Variants in GOT1 observed in about 807,000 individuals in gnomAD.
GOT1 encodes the protein aspartate aminotransferase, cytoplasmic.
GOT1 carries 25 observed loss-of-function variants against 48.2 expected under a neutral mutation model. The observed-to-expected ratio is 0.52, with a 90% CI of 0.38 to 0.72. The LOEUF (loss-of-function observed/expected upper bound fraction) is 0.72. Ranked by LOEUF, GOT1 falls within the 30% of genes least tolerant of loss-of-function variation. The pLI is 0.00. For synonymous variants in GOT1, 188 were observed against 193.8 expected (o/e 0.97, Z 0.25); for missense variants, 380 against 520.1 (o/e 0.73, Z 2.62).
intron 2 of GOT1, among the ~76,000 whole-genome samples, chr10:99,408,670 G>T (rs186834422): frequency 6.6e-6 from 1 of 152,282 alleles, no homozygotes; most frequent in Non-Finnish European, 1.5e-5. Flanking sequence ...AGTGAGCCAA[G>T]ATCGCACCAC....
intron 7 of GOT1, among the ~76,000 whole-genome samples, 156 bp from the exon 8 acceptor site, chr10:99,402,878 A>T (rs554727953): frequency 6.1e-4 from 93 of 152,304 alleles, no homozygotes; most frequent in African/African-American, 2.2e-3. Context: ...GGATTAACAT[A>T]CCAGAGAGAG....
intron 5 of GOT1, among the ~76,000 whole-genome samples, chr10:99,404,567 A>G (rs2032728867): frequency 6.6e-6 from 1 of 151,824 alleles, no homozygotes; most frequent in South Asian, 2.1e-4. Flanking sequence ...ACTGCTACCT[A>G]CTTCATCCAG....
intron 1 of GOT1, among the ~76,000 whole-genome samples, chr10:99,426,059 A>G (rs2033034335): frequency 6.6e-6 from 1 of 152,174 alleles, no homozygotes. Flanking sequence ...GAAAAGTCAA[A>G]CCATTTGCCC....
At chr10:99,405,886 TCTGACA>T in intron 4 of GOT1, 26 bp from the exon 5 acceptor site, 1 of 1,257,604 alleles carries the variant, frequency 8.0e-7, no homozygotes, top group Non-Finnish European at 1.2e-6. Flanking sequence ...CTATGTCAGC[TCTGACA>T]CTGATGGGAA....
intron 1 of GOT1, among the ~76,000 whole-genome samples, chr10:99,428,684 T>G (rs1306083667): frequency 6.6e-6 from 1 of 152,204 alleles, no homozygotes; most frequent in Non-Finnish European, 1.5e-5. Context: ...AAAGATGTAT[T>G]TAGATTGACA....
At chr10:99,426,018 G>A (rs1208637403) in intron 1 of GOT1, among the ~76,000 whole-genome samples, 2 of 152,194 alleles carry the variant, frequency 1.3e-5, no homozygotes, top group Non-Finnish European at 1.5e-5. Context: ...ATATTGTGAT[G>A]TCTATTTTAA....
intron 2 of GOT1, among the ~76,000 whole-genome samples, chr10:99,410,125 C>T (rs2032811448): frequency 6.6e-6 from 1 of 152,210 alleles, no homozygotes; most frequent in Non-Finnish European, 1.5e-5. Flanking sequence ...ACTGAGCACT[C>T]ATCCCTTGCT....
intron 8 of GOT1, among the ~76,000 whole-genome samples, chr10:99,398,552 C>G (rs184424801): frequency 1.3e-5 from 2 of 152,110 alleles, no homozygotes; most frequent in Admixed American, 1.3e-4. Context: ...TGCCTATGGT[C>G]CCAGCTACTC....
intron 8 of GOT1, 125 bp downstream of exon 8, chr10:99,402,454 GT>G (rs1454716078): frequency 1.0e-6 from 1 of 975,304 alleles, no homozygotes; most frequent in African/African-American, 1.6e-5. Context: ...ACTTGTCCTG[GT>G]CCAAAGCAAT....
intron 2 of GOT1, among the ~76,000 whole-genome samples, chr10:99,417,143 A>G (rs1478571666): frequency 2.0e-5 from 3 of 152,214 alleles, no homozygotes; most frequent in Admixed American, 6.5e-5. Flanking sequence ...TGAACAGGCA[A>G]CCTACAGAAT....
At chr10:99,403,698 C>T in intron 6 of GOT1, 26 bp downstream of exon 6, 1 of 1,614,042 alleles carries the variant, frequency 6.2e-7, no homozygotes, top group Non-Finnish European at 8.5e-7. Flanking sequence ...GGAGGTGGGG[C>T]TGTAACTCCT....
chr10:99,397,652 G>A lies in GOT1; in HGVS notation c.1137C>T (p.His379=), dbSNP rs2032618569. The A allele has an allele frequency of 6.2e-7, 1 of 1,614,032 alleles. No homozygotes were observed. Among genetic ancestry groups the A allele is most frequent in the Non-Finnish European group, 8.5e-7 (1 of 1,179,902 alleles). The part of the protein sequence containing the change: ...KQVEYLVNEK[H]IYLLPSGRIN... Reference sequence around the variant, plus strand: ...TTCGACCACTTGGCAGCAGGTAGATGTGCTTTTCATTGACCAGATACTCAA... The same window carrying A: ...TTCGACCACTTGGCAGCAGGTAGATATGCTTTTCATTGACCAGATACTCAA... The change falls in exon 9 of 9, where the codon CAC becomes CAT. Residue 379 remains histidine, a synonymous_variant. Coordinates refer to ENST00000370508, the MANE Select transcript of GOT1 (RefSeq NM_002079.3). The surrounding 1 kb of genome is among the most constrained non-coding windows in gnomAD (Gnocchi z 5.4).
At position 99,428,353 on chromosome 10, in the gene GOT1, GT is replaced by G. The variant is rs551770823; in HGVS notation, c.118+2094del. 5.7e-4 allele frequency among the ~76,000 whole-genome samples: 84 copies of G among 146,770 alleles called. 1 individual carries two copies. The highest frequency in any genetic ancestry group is 4.2e-3 in the East Asian group (21 of 5,034). On this transcript the variant is annotated intron_variant, in intron 1 of 8. Transcript: ENST00000370508. ...TAAAATAAATCTGACGTGGTTTTTT[GT>G]TTTTTTTTTTCTTTCTTTCTTGAGA...
rs1241259871 is a variant in GOT1, at chr10:99,406,970, T to C, written c.301-121A>G. ...TCTGTGCTAAGGCTTTTAATTGTAT[T>C]ATCTCATCAAAACCTTACAACTACT... On this transcript the variant is annotated intron_variant, in intron 2 of 8. Coordinates refer to ENST00000370508, the MANE Select transcript of GOT1 (RefSeq NM_002079.3). 3.4e-6 allele frequency: 3 copies of C among 884,948 alleles called. No homozygotes were observed. In the African/African-American group the frequency reaches 5.0e-5, roughly 15 times the overall value. The allele number at this position is 884,948 out of a possible 1,614,324, so 54.8% of individuals were successfully genotyped here.
intron 5 of GOT1, 87 bp downstream of exon 5, chr10:99,405,669 C>T: frequency 5.6e-6 from 4 of 712,642 alleles, no homozygotes; most frequent in Non-Finnish European, 1.0e-5. Context: ...CCTAATTCCT[C>T]AGCAAACAGC....
At position 99,397,782 on chromosome 10, in the gene GOT1, T is replaced by C; in HGVS notation, c.1103-96A>G. Reference sequence around the variant, plus strand: ...TATGACAATTACAGCTTTACTTCTTTCCCCTTAACAGAGAGAAGCAAAACA... The same window carrying C: ...TATGACAATTACAGCTTTACTTCTTCCCCCTTAACAGAGAGAAGCAAAACA... On this transcript the variant is annotated intron_variant, in intron 8 of 8. Transcript: ENST00000370508. The surrounding 1 kb of genome is among the most constrained non-coding windows in gnomAD (Gnocchi z 5.4). 1 of 1,207,898 alleles carries C rather than the reference T, an allele frequency of 8.3e-7. No individual in the cohort carries two copies. Among genetic ancestry groups the C allele is most frequent in the Non-Finnish European group, 1.2e-6 (1 of 837,310 alleles). 74.8% of individuals were successfully genotyped at this position (1,207,898 alleles called of 1,614,324 possible). A position where few individuals can be genotyped will look rare whatever the true frequency, so the allele number is the denominator to read the frequency against.
intron 2 of GOT1, among the ~76,000 whole-genome samples, chr10:99,416,306 A>G (rs1007143636): frequency 1.3e-5 from 2 of 151,294 alleles, no homozygotes; most frequent in East Asian, 1.9e-4. Flanking sequence ...TAACAGACAA[A>G]TAGAGAGCCA....
Position 99,406,714 on chromosome 10 carries a change from TGAAA to T in GOT1, c.424+8_424+11del, listed in dbSNP as rs1363117329. On this transcript the variant is annotated splice_region_variant and intron_variant, in intron 3 of 8. Transcript: ENST00000370508. ...TTTCTGTTTTTCCTCTCACTTCAGC[TGAAA>T]GACTCACCCCAGGTTGGTGAGGACA... 1 of 1,611,508 alleles carries T rather than the reference TGAAA, an allele frequency of 6.2e-7. No homozygotes were observed. The highest frequency in any genetic ancestry group is 8.5e-7 in the Non-Finnish European group (1 of 1,177,864).
chr10:99,402,757 G>T (rs878882920), intron 7 of GOT1, 35 bp from the exon 8 acceptor site: 2 of 1,587,528 alleles, frequency 1.3e-6, no homozygotes, highest in South Asian at 2.2e-5. Context: ...TACCAATCCA[G>T]ACAGGAAAGA....
Sources: allele counts gnomAD v4.1 joint callset (sites outside exome capture counted in the v4.1 genomes callset), GRCh38; gene constraint gnomAD v4.1.1; non-coding constraint Gnocchi (gnomAD v3.1); transcripts MANE v1.5; gene names NCBI Gene and HGNC (gene_info 2026-07-23, HGNC 2026-07-21).